Variants in ANGPT1 observed in about 807,000 individuals in gnomAD.
ANGPT1 encodes angiopoietin-1.
ANGPT1 carries 17 observed loss-of-function variants against 62.2 expected under a neutral mutation model. That is an observed-to-expected ratio of 0.27 (90% CI 0.19 to 0.41). ANGPT1 has a LOEUF of 0.41. Among genes scored for constraint, ANGPT1 ranks in the 10% least tolerant of loss-of-function variants. ANGPT1 has a pLI of 1.00. For missense variants in ANGPT1, 478 were observed against 594.9 expected (o/e 0.80, Z 2.04); for synonymous variants, 199 against 198.9 (o/e 1.00, Z 0.00).
At chr8:107,492,412 T>C (rs1812983708) in intron 1 of ANGPT1, among the ~76,000 whole-genome samples, 1 of 152,210 alleles carries the variant, frequency 6.6e-6, no homozygotes, top group African/African-American at 2.4e-5. Flanking sequence ...ATCAGCTCAC[T>C]GCAACCTCCG....
chr8:107,306,001 T>C (rs1490281307), intron 4 of ANGPT1, among the ~76,000 whole-genome samples: 1 of 152,044 alleles, frequency 6.6e-6, no homozygotes, highest in African/African-American at 2.4e-5. Flanking sequence ...TTTTTGTCCT[T>C]AATCTATAAA....
chr8:107,442,648 A>G (rs937087097), intron 1 of ANGPT1, among the ~76,000 whole-genome samples: 2 of 152,188 alleles, frequency 1.3e-5, no homozygotes, highest in African/African-American at 4.8e-5. Flanking sequence ...CTAACTCCGT[A>G]TCTTCTACCT....
chr8:107,387,672 C>T (rs943275474), intron 1 of ANGPT1, among the ~76,000 whole-genome samples: 29 of 151,588 alleles, frequency 1.9e-4, no homozygotes, highest in African/African-American at 6.8e-4. Flanking sequence ...CAAGGATAAA[C>T]CGAAAAAAGC....
chr8:107,322,951 C>T (rs774169814), intron 3 of ANGPT1, among the ~76,000 whole-genome samples: 12 of 152,098 alleles, frequency 7.9e-5, no homozygotes, highest in Non-Finnish European at 1.8e-4. Context: ...CACTAGCTTC[C>T]TTTATTTCTC....
intron 1 of ANGPT1, among the ~76,000 whole-genome samples, chr8:107,490,292 C>CACAT (rs1438514752): frequency 6.6e-6 from 1 of 152,204 alleles, no homozygotes; most frequent in Non-Finnish European, 1.5e-5. Flanking sequence ...ATGAAACAGG[C>CACAT]ACATAGCACA....
Position 107,279,746 on chromosome 8 carries a change from TAC to T in ANGPT1, c.1205+4934_1205+4935del, listed in dbSNP as rs148069454. On this transcript the variant is annotated intron_variant, in intron 7 of 8. Transcript: ENST00000517746. The stretch of plus-strand genomic sequence containing the variant: ...ACACACACACATACACACACACGTG[TAC>T]ACACACACACACACTCAAAGGAAGG... Among the ~76,000 whole-genome samples the T allele has an allele frequency of 2.0e-3, 288 of 146,190 alleles. 1 individual carries two copies. Among genetic ancestry groups the T allele is most frequent in the African/African-American group, 6.5e-3 (247 of 38,200 alleles).
chr8:107,443,681 T>A lies in ANGPT1; in HGVS notation c.297+53581A>T, dbSNP rs184697037. Among the ~76,000 whole-genome samples the A allele has an allele frequency of 7.8e-3, 1,162 of 148,572 alleles. 15 individuals carry two copies. Among genetic ancestry groups the A allele is most frequent in the African/African-American group, 0.028 (1,128 of 40,506 alleles). On this transcript the variant is annotated intron_variant, in intron 1 of 8. Transcript: ENST00000517746. ...AAAAAAATACAAAATTAGCCAGGTG[T>A]GGTGGCGCATGGCTGTAATTCCAGC...
chr8:107,261,074 G>T (rs1813479536), intron 8 of ANGPT1, among the ~76,000 whole-genome samples: 1 of 151,818 alleles, frequency 6.6e-6, no homozygotes, highest in Non-Finnish European at 1.5e-5. Context: ...TATTTATTTG[G>T]TAAGAAAAAA....
intron 1 of ANGPT1, among the ~76,000 whole-genome samples, chr8:107,431,340 C>T (rs974108177): frequency 6.6e-6 from 1 of 151,624 alleles, no homozygotes; most frequent in Non-Finnish European, 1.5e-5. Flanking sequence ...TTACAAATGA[C>T]ACACACCTAG....
chr8:107,465,966 CTTTCT>C (rs1230678179), intron 1 of ANGPT1, among the ~76,000 whole-genome samples: 2 of 152,166 alleles, frequency 1.3e-5, no homozygotes, highest in Non-Finnish European at 2.9e-5. Context: ...TCTGGGAGGG[CTTTCT>C]AATATTCTCC....
At chr8:107,407,159 C>A (rs992994899) in intron 1 of ANGPT1, among the ~76,000 whole-genome samples, 1 of 151,990 alleles carries the variant, frequency 6.6e-6, no homozygotes, top group Non-Finnish European at 1.5e-5. Flanking sequence ...CCTCAGTAGG[C>A]GGATTTTATT....
intron 1 of ANGPT1, among the ~76,000 whole-genome samples, chr8:107,477,960 A>G (rs1586356495): frequency 1.3e-5 from 2 of 152,204 alleles, no homozygotes; most frequent in African/African-American, 4.8e-5. Context: ...TGACCATGAC[A>G]TGAGTAAAGT....
intron 1 of ANGPT1, among the ~76,000 whole-genome samples, chr8:107,425,045 T>C (rs1287206727): frequency 6.6e-6 from 1 of 152,100 alleles, no homozygotes; most frequent in East Asian, 1.9e-4. Context: ...CAGCTAATTT[T>C]TGTATTTTTA....
chr8:107,292,965 A>C (rs925689668), intron 6 of ANGPT1, among the ~76,000 whole-genome samples: 2 of 152,192 alleles, frequency 1.3e-5, no homozygotes, highest in Non-Finnish European at 2.9e-5. Context: ...ATGAGAATCC[A>C]TAAATATAGA....
At chr8:107,432,868 CTG>C (rs1206728044) in intron 1 of ANGPT1, among the ~76,000 whole-genome samples, 2 of 152,142 alleles carry the variant, frequency 1.3e-5, no homozygotes, top group Non-Finnish European at 2.9e-5. Flanking sequence ...GTCTCACTAT[CTG>C]AGTTCTTTGC....
intron 6 of ANGPT1, among the ~76,000 whole-genome samples, chr8:107,287,554 A>C (rs1374175099): frequency 6.6e-6 from 1 of 152,202 alleles, no homozygotes; most frequent in Non-Finnish European, 1.5e-5. Flanking sequence ...GAAACCTTCT[A>C]ATAGCCAAGT....
intron 1 of ANGPT1, among the ~76,000 whole-genome samples, chr8:107,380,484 C>A (rs181609845): frequency 6.6e-6 from 1 of 151,522 alleles, no homozygotes; most frequent in East Asian, 1.9e-4. Flanking sequence ...AGCTAGATGC[C>A]ATTTTGACTG....
At chr8:107,297,467 C>CA (rs1157725191) in intron 5 of ANGPT1, among the ~76,000 whole-genome samples, 1 of 151,684 alleles carries the variant, frequency 6.6e-6, no homozygotes, top group African/African-American at 2.4e-5. Context: ...CCATCTCTTA[C>CA]ATGTATTACT....
At chr8:107,433,475 G>A (rs1811249975) in intron 1 of ANGPT1, among the ~76,000 whole-genome samples, 1 of 152,146 alleles carries the variant, frequency 6.6e-6, no homozygotes, top group South Asian at 2.1e-4. Context: ...GAGACATTGA[G>A]TAAAGTATTA....
Sources: gnomAD v4.1 joint callset for allele counts (sites outside exome capture counted in the v4.1 genomes callset) on GRCh38, gnomAD v4.1.1 for gene constraint, MANE v1.5 for transcripts, NCBI Gene and HGNC (gene_info 2026-07-23, HGNC 2026-07-21) for gene names.